Variants in CEP112 observed in about 807,000 individuals in gnomAD.
CEP112 encodes centrosomal protein of 112 kDa.
Under a neutral mutation model 153.0 loss-of-function variants are expected in CEP112, and 127 were observed. That is an observed-to-expected ratio of 0.83 (90% CI 0.72 to 0.96). CEP112 has a LOEUF of 0.96. CEP112 is among the 40% of genes least tolerant of loss of function. The pLI is 0.00. For missense variants in CEP112, 1,089 were observed against 1,101.2 expected, an observed-to-expected ratio of 0.99 and a Z score of 0.16; for synonymous variants, 358 against 374.4, an observed-to-expected ratio of 0.96 and a Z score of 0.51.
At chr17:66,060,148 G>T (rs1262804138) in intron 11 of CEP112, among the ~76,000 whole-genome samples, 1 of 152,020 alleles carries the variant, frequency 6.6e-6, no homozygotes, top group Admixed American at 6.6e-5. Flanking sequence ...GAGGAAAGAG[G>T]GGGACAAAGG....
At chr17:65,785,067 A>G (rs902538739) in intron 21 of CEP112, among the ~76,000 whole-genome samples, 6 of 152,156 alleles carry the variant, frequency 3.9e-5, no homozygotes, top group Admixed American at 3.3e-4. Flanking sequence ...ATTTCACGTA[A>G]TTTAAATCAT....
chr17:65,853,328 G>A (rs1044274048), intron 20 of CEP112, among the ~76,000 whole-genome samples: 1 of 151,868 alleles, frequency 6.6e-6, no homozygotes, highest in Non-Finnish European at 1.5e-5. Flanking sequence ...GTTCTCTCTG[G>A]GTGTCTGTGT....
intron 5 of CEP112, among the ~76,000 whole-genome samples, chr17:66,130,785 A>AAC (rs1417605869): frequency 1.3e-5 from 2 of 151,674 alleles, no homozygotes; most frequent in Non-Finnish European, 2.9e-5. Context: ...CAAAAAAAAA[A>AAC]AAAAAAAACA....
chr17:65,696,749 T>C (rs2048377535), intron 23 of CEP112, among the ~76,000 whole-genome samples: 1 of 152,300 alleles, frequency 6.6e-6, no homozygotes, highest in African/African-American at 2.4e-5. Context: ...GGCGGATCTG[T>C]GTACTCTTCT....
intron 17 of CEP112, among the ~76,000 whole-genome samples, chr17:65,965,829 A>C (rs1347362447): frequency 6.6e-6 from 1 of 152,196 alleles, no homozygotes; most frequent in Non-Finnish European, 1.5e-5. Flanking sequence ...CTCTGTCTTA[A>C]TATAAATTAA....
rs76233182 is a variant in CEP112 at position 65,802,368 on chromosome 17, G to A, written c.2394+49436C>T. The stretch of plus-strand genomic sequence containing the variant: ...TCTGGGCAATATCATACACATCTAG[G>A]TCTTAAAATTCTACCCCAAATTTAT... On this transcript the variant is annotated intron_variant, in intron 21 of 26. Transcript: ENST00000535342. Among the ~76,000 whole-genome samples, 480 of 151,974 alleles carry A rather than the reference G, an allele frequency of 3.2e-3. 3 individuals are homozygous for A. Among genetic ancestry groups the A allele is most frequent in the African/African-American group, 0.011 (456 of 41,434 alleles).
In CEP112 at chr17:66,191,118, C is replaced by T. The variant is rs1201505185; in HGVS notation, c.-9+879G>A. ...CAGTTTATTCTCTGGCCCGGCCCTA[C>T]CATTTCCGCACCATTTCCATGGTCA... On this transcript the variant is annotated intron_variant, in intron 1 of 26. Coordinates refer to ENST00000535342, the MANE Select transcript of CEP112 (RefSeq NM_001199165.4). The surrounding 1 kb of genome is among the most constrained non-coding windows in gnomAD (Gnocchi z 4.2). 1.3e-5 allele frequency among the ~76,000 whole-genome samples: 2 copies of T among 152,130 alleles called. No homozygotes were observed. The highest frequency in any genetic ancestry group is 4.8e-5 in the African/African-American group (2 of 41,438).
At chr17:65,850,275 G>A (rs1198838260) in intron 21 of CEP112, among the ~76,000 whole-genome samples, 1 of 151,204 alleles carries the variant, frequency 6.6e-6, no homozygotes, top group Non-Finnish European at 1.5e-5. Flanking sequence ...CACTTAGCCT[G>A]AACATGTCCC....
At position 66,190,544 on chromosome 17, in the gene CEP112, C is replaced by T. The variant is rs181932076; in HGVS notation, c.-9+1453G>A. ...TTTCAAAGGTAACCCAGGTGACGGA[C>T]GTTGCAGTGAGCGTGAGCTGAGTTT... is the stretch of plus-strand genomic sequence containing the variant. On this transcript the variant is annotated intron_variant, in intron 1 of 26. Transcript: ENST00000535342. Among the ~76,000 whole-genome samples the T allele has an allele frequency of 2.9e-3, 435 of 151,626 alleles. 2 individuals are homozygous for T. Among genetic ancestry groups the T allele is most frequent in the African/African-American group, 0.01 (415 of 41,334 alleles).
chr17:65,961,792 G>A (rs1191645889), intron 17 of CEP112, among the ~76,000 whole-genome samples, 194 bp from the exon 18 acceptor site: 1 of 152,166 alleles, frequency 6.6e-6, no homozygotes, highest in Non-Finnish European at 1.5e-5. Context: ...CATATATTGT[G>A]TATTCTGATG....
At chr17:65,837,950 C>G (rs1160489913) in intron 21 of CEP112, among the ~76,000 whole-genome samples, 2 of 152,068 alleles carry the variant, frequency 1.3e-5, no homozygotes, top group Non-Finnish European at 1.5e-5. Context: ...ACAAACACTG[C>G]GGAAGGCGGC....
intron 21 of CEP112, among the ~76,000 whole-genome samples, chr17:65,800,227 A>AT (rs950859206): frequency 8.0e-5 from 12 of 149,808 alleles, no homozygotes; most frequent in South Asian, 2.1e-4. Context: ...TCTGATTCTG[A>AT]TTTTTTTTTT....
intron 21 of CEP112, among the ~76,000 whole-genome samples, chr17:65,811,587 C>A (rs868591656): frequency 6.6e-6 from 1 of 152,266 alleles, no homozygotes; most frequent in South Asian, 2.1e-4. Context: ...TAATCTCATT[C>A]ATGGGCTAAT....
At chr17:66,029,803 T>C in intron 13 of CEP112, 66 bp downstream of exon 13, 1 of 1,342,300 alleles carries the variant, frequency 7.4e-7, no homozygotes, top group South Asian at 1.6e-5. Flanking sequence ...TTTTGGCAGA[T>C]AACTGATACA....
At chr17:66,050,008 AT>A (rs66893644) in intron 12 of CEP112, among the ~76,000 whole-genome samples, 62,378 of 151,824 alleles carry the variant, frequency 0.41, 14,296 homozygotes, top group East Asian at 0.87. Context: ...TCAGAACTAA[AT>A]TAAAAAACTC....
intron 4 of CEP112, among the ~76,000 whole-genome samples, chr17:66,141,069 G>T (rs2070676097): frequency 6.6e-6 from 1 of 151,654 alleles, no homozygotes; most frequent in African/African-American, 2.4e-5. Context: ...TCTGTATTGG[G>T]GATTTTGAAT....
At chr17:65,682,244 G>A (rs988468330) in intron 24 of CEP112, among the ~76,000 whole-genome samples, 3 of 150,078 alleles carry the variant, frequency 2.0e-5, no homozygotes, top group Non-Finnish European at 3.0e-5. Context: ...CACCCGCCCC[G>A]GCTTCCCAAA....
chr17:66,166,449 T>C (rs998969835), intron 4 of CEP112, among the ~76,000 whole-genome samples: 36 of 152,294 alleles, frequency 2.4e-4, no homozygotes, highest in African/African-American at 8.4e-4. Flanking sequence ...AGACCACGTA[T>C]ACTTCACTGA....
intron 17 of CEP112, among the ~76,000 whole-genome samples, chr17:65,970,551 A>G (rs2062691694): frequency 6.6e-6 from 1 of 152,118 alleles, no homozygotes; most frequent in Non-Finnish European, 1.5e-5. Flanking sequence ...ATATTACATG[A>G]AAGTTACCTA....
Sources: allele counts gnomAD v4.1 joint callset (sites outside exome capture counted in the v4.1 genomes callset), GRCh38; gene constraint gnomAD v4.1.1; non-coding constraint Gnocchi (gnomAD v3.1); transcripts MANE v1.5; gene names NCBI Gene and HGNC (gene_info 2026-07-23, HGNC 2026-07-21).